CTTNBP2: variants seen among roughly 807,000 people sequenced by gnomAD.
CTTNBP2 encodes cortactin-binding protein 2.
Under a neutral mutation model 156.9 loss-of-function variants are expected in CTTNBP2, and 108 were observed. The observed-to-expected ratio is 0.69, with a 90% CI of 0.59 to 0.81. CTTNBP2 has a LOEUF of 0.81. Among genes scored for constraint, CTTNBP2 ranks in the 30% least tolerant of loss-of-function variants. The pLI is 0.00. For synonymous variants in CTTNBP2, 767 were observed against 751.8 expected (o/e 1.02, Z -0.33); for missense variants, 1,924 against 2,035.4 (o/e 0.95, Z 1.05).
intron 3 of CTTNBP2, among the ~76,000 whole-genome samples, chr7:117,809,603 C>T (rs549034442): frequency 1.3e-5 from 2 of 152,188 alleles, no homozygotes; most frequent in South Asian, 4.1e-4. Context: ...CTATGGAAAG[C>T]CTTCTATTTT....
intron 2 of CTTNBP2, among the ~76,000 whole-genome samples, chr7:117,856,966 C>A (rs189621372): frequency 6.6e-6 from 1 of 152,176 alleles, no homozygotes; most frequent in African/African-American, 2.4e-5. Flanking sequence ...GTTAATTAAT[C>A]TTGAATCACG....
chr7:117,777,986 G>T (rs1798199761), intron 7 of CTTNBP2, among the ~76,000 whole-genome samples: 1 of 152,080 alleles, frequency 6.6e-6, no homozygotes, highest in South Asian at 2.1e-4. Context: ...TTGCTATTTT[G>T]TAATCATTTC....
At chr7:117,855,551 C>A (rs1380733066) in intron 2 of CTTNBP2, among the ~76,000 whole-genome samples, 1 of 152,192 alleles carries the variant, frequency 6.6e-6, no homozygotes, top group Non-Finnish European at 1.5e-5. Context: ...TTGCTACTGG[C>A]ATCTAGTGGG....
At position 117,823,417 on chromosome 7, in the gene CTTNBP2, TTA is replaced by T. The variant is rs1318786922; in HGVS notation, c.190-12430_190-12429del. On this transcript the variant is annotated intron_variant, in intron 2 of 22. Coordinates refer to ENST00000160373, the MANE Select transcript of CTTNBP2 (RefSeq NM_033427.3). ...ATTTGCTTTAATAGCTTAGAAAGGTTTATGTTTTCAAATAAATTTGCATAAAT... is the reference window on the plus strand; with the variant it reads ...ATTTGCTTTAATAGCTTAGAAAGGTTTGTTTTCAAATAAATTTGCATAAAT... Among the ~76,000 whole-genome samples the T allele has an allele frequency of 2.6e-5, 4 of 152,340 alleles. No homozygotes were observed. The South Asian group carries it at 6.2e-4, about 24-fold the overall frequency.
chr7:117,723,152 T>C (rs1049699519), intron 19 of CTTNBP2, among the ~76,000 whole-genome samples: 1 of 151,876 alleles, frequency 6.6e-6, no homozygotes, highest in Non-Finnish European at 1.5e-5. Flanking sequence ...TATCTTATTA[T>C]CAATATAAAA....
At chr7:117,730,593 A>T (rs1795346658) in intron 16 of CTTNBP2, among the ~76,000 whole-genome samples, 1 of 152,210 alleles carries the variant, frequency 6.6e-6, no homozygotes, top group South Asian at 2.1e-4. Context: ...GAACTAGGTA[A>T]TGTGTAAACT....
At chr7:117,773,318 G>A (rs754556638) in intron 8 of CTTNBP2, among the ~76,000 whole-genome samples, 53 of 152,186 alleles carry the variant, frequency 3.5e-4, no homozygotes, top group Non-Finnish European at 5.1e-4. Context: ...GAGGACCAAG[G>A]TGGCTGCTAC....
intron 3 of CTTNBP2, among the ~76,000 whole-genome samples, chr7:117,804,009 C>T (rs73475499): frequency 4.5e-4 from 68 of 152,124 alleles, no homozygotes; most frequent in African/African-American, 1.6e-3. Flanking sequence ...GTTGCCCAGG[C>T]CAGAGTGTAG....
rs751823218 is a variant in CTTNBP2 at position 117,780,434 on chromosome 7, TACTC to T, written c.2523+3_2523+6del. On this transcript the variant is annotated splice_donor_5th_base_variant and intron_variant, in intron 7 of 22. Transcript: ENST00000160373. ...ATACAGGGGGAAAAAAACAGACTGC[TACTC>T]ACTGTGGTTTTTACACTTCGATTGG... 77 of 1,540,620 alleles carry T rather than the reference TACTC, an allele frequency of 5.0e-5. No individual in the cohort carries two copies. The highest frequency in any genetic ancestry group is 5.9e-5 in the Non-Finnish European group (68 of 1,147,712).
intron 1 of CTTNBP2, among the ~76,000 whole-genome samples, chr7:117,861,679 A>T (rs1486302480): frequency 1.3e-5 from 2 of 152,076 alleles, no homozygotes; most frequent in African/African-American, 4.8e-5. Flanking sequence ...GAAAGCATGG[A>T]TGTATTCCTA....
At chr7:117,801,179 A>C (rs952684400) in intron 3 of CTTNBP2, among the ~76,000 whole-genome samples, 2 of 152,218 alleles carry the variant, frequency 1.3e-5, no homozygotes. Context: ...ATGGGGTTGA[A>C]AAATCATCAG....
chr7:117,742,538 C>T (rs1311714024), intron 14 of CTTNBP2, among the ~76,000 whole-genome samples: 10 of 152,002 alleles, frequency 6.6e-5, no homozygotes. Context: ...GGTCTGCTGG[C>T]CTGTGAAGAA....
intron 2 of CTTNBP2, among the ~76,000 whole-genome samples, chr7:117,826,250 G>T (rs1323009769): frequency 6.6e-6 from 1 of 152,068 alleles, no homozygotes; most frequent in Non-Finnish European, 1.5e-5. Flanking sequence ...ACAGAAACAT[G>T]CATGAACATA....
intron 1 of CTTNBP2, among the ~76,000 whole-genome samples, chr7:117,871,328 T>C (rs1804581615): frequency 6.6e-6 from 1 of 152,110 alleles, no homozygotes; most frequent in South Asian, 2.1e-4. Context: ...AGAACTAAAA[T>C]AAAAGGCCCA....
chr7:117,739,091 C>T (rs1179560345), intron 14 of CTTNBP2, among the ~76,000 whole-genome samples: 1 of 152,320 alleles, frequency 6.6e-6, no homozygotes, highest in African/African-American at 2.4e-5. Context: ...CTCATTGCCT[C>T]AGTTTTTCAT....
At chr7:117,753,829 T>C (rs533025811) in intron 12 of CTTNBP2, among the ~76,000 whole-genome samples, 2 of 152,290 alleles carry the variant, frequency 1.3e-5, no homozygotes, top group East Asian at 1.9e-4. Context: ...AATATCTAGA[T>C]GATGGGATGA....
intron 18 of CTTNBP2, 143 bp downstream of exon 18, chr7:117,724,909 G>T: frequency 9.9e-7 from 1 of 1,010,120 alleles, no homozygotes; most frequent in Non-Finnish European, 1.4e-6. Context: ...ACATTAACCA[G>T]TAATTAAAAT....
At chr7:117,791,017 G>A (rs1035954727) in intron 4 of CTTNBP2, 111 bp downstream of exon 4, 58 of 838,284 alleles carry the variant, frequency 6.9e-5, no homozygotes, top group Non-Finnish European at 1.0e-4. Flanking sequence ...TGGGGGTGGG[G>A]GGAAGCATCA....
At chr7:117,860,587 C>T (rs1175515674) in intron 2 of CTTNBP2, among the ~76,000 whole-genome samples, 1 of 152,118 alleles carries the variant, frequency 6.6e-6, no homozygotes, top group Admixed American at 6.5e-5. Flanking sequence ...TCATGATCCG[C>T]CCACCTCGGC....
Sources: gnomAD v4.1 joint callset for allele counts (sites outside exome capture counted in the v4.1 genomes callset) on GRCh38, gnomAD v4.1.1 for gene constraint, MANE v1.5 for transcripts, NCBI Gene and HGNC (gene_info 2026-07-23, HGNC 2026-07-21) for gene names.